PPIB: variants seen among roughly 807,000 people sequenced by gnomAD.
PPIB encodes peptidyl-prolyl cis-trans isomerase B.
A neutral mutation model predicts 20.1 loss-of-function variants in PPIB; 15 were observed. The ratio of observed to expected loss-of-function variants is 0.75; its 90% confidence interval spans 0.50 to 1.15. The LOEUF is 1.15. Ranked by LOEUF, PPIB falls within the 50% of genes most tolerant of loss-of-function variation. The pLI, the probability that PPIB is intolerant of heterozygous loss-of-function variation, is 0.00. For synonymous variants in PPIB, 129 were observed against 111.0 expected (o/e 1.16, Z -1.02); for missense variants, 278 against 283.0 (o/e 0.98, Z 0.13).
rs1311702856 is a variant in PPIB, at chr15:64,156,617, G to A, written c.528+108C>T. ...CAGGAGCACTGGGCTGCATCTGTGG[G>A]TTGGGTCCTTTTGGGAAAGGGATGG... On this transcript the variant is annotated intron_variant, in intron 4 of 4. Transcript: ENST00000300026. The surrounding 1 kb of genome is among the most constrained non-coding windows in gnomAD (Gnocchi z 6.4). 5.2e-6 allele frequency: 7 copies of A among 1,338,324 alleles called. No individual in the cohort carries two copies. In the South Asian group the frequency reaches 7.1e-5, roughly 14 times the overall value. 82.9% of individuals were successfully genotyped at this position (1,338,324 alleles called of 1,614,324 possible). A position where few individuals can be genotyped will look rare whatever the true frequency, so the allele number is the denominator to read the frequency against.
In PPIB at chr15:64,162,954, C is replaced by A. The variant is rs568054483; in HGVS notation, c.33G>T (p.Val11=). 1.9e-6 allele frequency: 3 copies of A among 1,613,566 alleles called. No individual in the cohort carries two copies. The highest frequency in any genetic ancestry group is 3.3e-5 in the Admixed American group (2 of 60,020). ...CCGCGATGAGGGCGGCGGCAAGGAGCACCTTCATGTTGCGTTCGGAGAGGC... is the reference window on the plus strand; with the variant it reads ...CCGCGATGAGGGCGGCGGCAAGGAGAACCTTCATGTTGCGTTCGGAGAGGC... The part of the protein sequence containing the change: MLRLSERNMK[V]LLAAALIAGS... The change falls in exon 1 of 5, where the codon GTG becomes GTT. Residue 11 remains valine (V), a synonymous_variant. Coordinates refer to ENST00000300026, the MANE Select transcript of PPIB (RefSeq NM_000942.5).
chr15:64,159,943 T>A lies in PPIB; in HGVS notation c.343+161A>T, dbSNP rs1365881821. On this transcript the variant is annotated intron_variant, in intron 3 of 4. Transcript: ENST00000300026. This position sits in a 1 kb window ranked among gnomAD's most constrained non-coding sequence, Gnocchi z 5.1. ...TCTCTCTCCTTTGTACTGGGTTCCC[T>A]CTTCAAAGAAGGGTGCCGCTGGTCT... The A allele has an allele frequency of 1.6e-5, 11 of 707,482 alleles. No homozygotes were observed. The African/African-American group carries it at 1.6e-4, about 10-fold the overall frequency. 43.8% of individuals were successfully genotyped at this position (707,482 alleles called of 1,614,324 possible). A position where few individuals can be genotyped will look rare whatever the true frequency, so the allele number is the denominator to read the frequency against.
chr15:64,162,141 A>T lies in PPIB; in HGVS notation c.149T>A (p.Leu50Gln). Residue 50 changes from leucine to glutamine, a missense_variant, in exon 2 of 5, where the codon CTA becomes CAA. Physicochemically the swap from Leu to Gln is moderately radical, Grantham distance 113. Transcript: ENST00000300026. The stretch of plus-strand genomic sequence containing the variant: ...GCCTACATCTTCATCTCCAATTCGT[A>T]GGTCAAAATACACCTGAGGAAAGAG... ...PKVTVKVYFD[L>Q]RIGDEDVGRV... The T allele has an allele frequency of 6.2e-7, 1 of 1,612,876 alleles. No individual in the cohort carries two copies. The highest frequency in any genetic ancestry group is 1.1e-5 in the South Asian group (1 of 91,044).
intron 1 of PPIB, among the ~76,000 whole-genome samples, chr15:64,162,522 T>G (rs1031250750): frequency 2.6e-5 from 4 of 152,212 alleles, no homozygotes; most frequent in Admixed American, 6.5e-5. Flanking sequence ...TGGCTAAAAT[T>G]TGGCTTAAGG....
rs926025776 is a variant in PPIB at position 64,158,937 on chromosome 15, A to G, written c.343+1167T>C. Among the ~76,000 whole-genome samples the G allele has an allele frequency of 6.6e-6, 1 of 152,096 alleles. No homozygotes were observed. The highest frequency in any genetic ancestry group is 2.4e-5 in the African/African-American group (1 of 41,410). ...CACTTCACACTCCAGATCTAGCCCA[A>G]TCCTCATGGCCCCACAACTCTCTCC... On this transcript the variant is annotated intron_variant, in intron 3 of 4. Transcript: ENST00000300026. The surrounding 1 kb of genome is among the most constrained non-coding windows in gnomAD (Gnocchi z 4.7).
In PPIB at chr15:64,156,227, A is replaced by G; in HGVS notation, c.529-82T>C. The G allele has an allele frequency of 6.4e-6, 10 of 1,556,550 alleles. No individual in the cohort carries two copies. Among genetic ancestry groups the G allele is most frequent in the Non-Finnish European group, 8.8e-6 (10 of 1,138,608 alleles). On this transcript the variant is annotated intron_variant, in intron 4 of 4. Transcript: ENST00000300026. This position sits in a 1 kb window ranked among gnomAD's most constrained non-coding sequence, Gnocchi z 6.4. ...GGAGAAAGGCCCCAGCGTATGGCTC[A>G]GGAGGGCTAAGACCCACAAGTGATC...
chr15:64,156,951 C>T lies in PPIB; in HGVS notation c.344-42G>A. On this transcript the variant is annotated intron_variant, in intron 3 of 4. Coordinates refer to ENST00000300026, the MANE Select transcript of PPIB (RefSeq NM_000942.5). The surrounding 1 kb of genome is among the most constrained non-coding windows in gnomAD (Gnocchi z 6.4). The stretch of plus-strand genomic sequence containing the variant: ...AGCAGGTCAGGGGCGCTGGATTGCG[C>T]CAAACCAAGCAGACATTCGGGGCCA... 1.3e-6 allele frequency: 2 copies of T among 1,599,748 alleles called. No homozygotes were observed. The highest frequency in any genetic ancestry group is 1.7e-6 in the Non-Finnish European group (2 of 1,168,258).
chr15:64,162,953 G>A lies in PPIB; in HGVS notation c.34C>T (p.Leu12Phe), dbSNP rs771613998. Residue 12 changes from leucine to phenylalanine, a missense_variant, in exon 1 of 5, where the codon CTC becomes TTC. Physicochemically the swap from Leu to Phe is conservative, Grantham distance 22. Transcript: ENST00000300026. ...CCCGCGATGAGGGCGGCGGCAAGGA[G>A]CACCTTCATGTTGCGTTCGGAGAGG... Reference protein sequence around the residue: ...LRLSERNMKVLLAAALIAGSV... With the variant: ...LRLSERNMKVFLAAALIAGSV... 8 of 1,613,596 alleles carry A rather than the reference G, an allele frequency of 5.0e-6. No individual in the cohort carries two copies. The highest frequency in any genetic ancestry group is 4.2e-6 in the Non-Finnish European group (5 of 1,179,858).
chr15:64,156,325 C>T lies in PPIB; in HGVS notation c.529-180G>A, dbSNP rs150119910. The T allele has an allele frequency of 3.0e-3, 2,491 of 838,930 alleles. 23 individuals are homozygous for T. The highest frequency in any genetic ancestry group is 2.3e-3 in the Non-Finnish European group (1,211 of 520,982). 52.0% of individuals were successfully genotyped at this position (838,930 alleles called of 1,614,324 possible). ...CAGAGCAGGGAGAATGCAGATTTGA[C>T]GAGGGGGTACAGGAATTTTGTTCCT... On this transcript the variant is annotated intron_variant, in intron 4 of 4. Transcript: ENST00000300026. This position sits in a 1 kb window ranked among gnomAD's most constrained non-coding sequence, Gnocchi z 6.4.
At position 64,156,711 on chromosome 15, in the gene PPIB, C is replaced by T. The variant is rs776724565; in HGVS notation, c.528+14G>A. Reference sequence around the variant, plus strand: ...GAGGATTGCCCAGTAGTAGCCCTTGCTTCCACAACTCACCATGCCCTCTAG... The same window carrying T: ...GAGGATTGCCCAGTAGTAGCCCTTGTTTCCACAACTCACCATGCCCTCTAG... On this transcript the variant is annotated intron_variant, in intron 4 of 4. Coordinates refer to ENST00000300026, the MANE Select transcript of PPIB (RefSeq NM_000942.5). The surrounding 1 kb of genome is among the most constrained non-coding windows in gnomAD (Gnocchi z 6.4). 52 of 1,614,030 alleles carry T rather than the reference C, an allele frequency of 3.2e-5. No homozygotes were observed. Among genetic ancestry groups the T allele is most frequent in the Non-Finnish European group, 1.0e-5 (12 of 1,179,998 alleles).
In PPIB at chr15:64,156,960, G is replaced by A. The variant is rs753559721; in HGVS notation, c.344-51C>T. ...GGGGCGCTGGATTGCGCCAAACCAA[G>A]CAGACATTCGGGGCCAGGACTGAGG... On this transcript the variant is annotated intron_variant, in intron 3 of 4. Transcript: ENST00000300026. The surrounding 1 kb of genome is among the most constrained non-coding windows in gnomAD (Gnocchi z 6.4). 5 of 1,587,142 alleles carry A rather than the reference G, an allele frequency of 3.2e-6. No homozygotes were observed. The African/African-American group carries it at 6.7e-5, about 21-fold the overall frequency.
chr15:64,162,147 A>G lies in PPIB; in HGVS notation c.143T>C (p.Phe48Ser). The G allele has an allele frequency of 6.2e-7, 1 of 1,611,574 alleles. No homozygotes were observed. The highest frequency in any genetic ancestry group is 8.5e-7 in the Non-Finnish European group (1 of 1,177,600). The change falls in exon 2 of 5, where the codon TTT becomes TCT. Residue 48 changes from phenylalanine (F) to serine (S), a missense_variant. Coordinates refer to ENST00000300026, the MANE Select transcript of PPIB (RefSeq NM_000942.5). Reference sequence around the variant, plus strand: ...ATCTTCATCTCCAATTCGTAGGTCAAAATACACCTGAGGAAAGAGACCATT... The same window carrying G: ...ATCTTCATCTCCAATTCGTAGGTCAGAATACACCTGAGGAAAGAGACCATT... ...KGPKVTVKVY[F>S]DLRIGDEDVG... is the part of the protein sequence containing the mutation.
At position 64,158,085 on chromosome 15, in the gene PPIB, G is replaced by A. The variant is rs1567346030; in HGVS notation, c.344-1176C>T. Among the ~76,000 whole-genome samples, 1 of 152,156 alleles carries A rather than the reference G, an allele frequency of 6.6e-6. No individual in the cohort carries two copies. Among genetic ancestry groups the A allele is most frequent in the Non-Finnish European group, 1.5e-5 (1 of 68,020 alleles). On this transcript the variant is annotated intron_variant, in intron 3 of 4. Coordinates refer to ENST00000300026, the MANE Select transcript of PPIB (RefSeq NM_000942.5). This position sits in a 1 kb window ranked among gnomAD's most constrained non-coding sequence, Gnocchi z 4.7. ...GCTCCAGCCACTCTCTCAAGATACA[G>A]GGGTTCCAAACTCAAATGGACATTT...
chr15:64,162,812 C>T, intron 1 of PPIB, 40 bp downstream of exon 1: 2 of 1,599,534 alleles, frequency 1.3e-6, no homozygotes, highest in South Asian at 1.1e-5. Flanking sequence ...CCGCCCGGGC[C>T]CGAGCTCCGG....
Position 64,161,703 on chromosome 15 carries a change from C to A in PPIB, c.249+338G>T, listed in dbSNP as rs142887140. ...CCGCACCACTGCACTCCAGCCCAGG[C>A]GACAAGAGTGAAACTCCGTCTCAAA... is the stretch of plus-strand genomic sequence containing the variant. On this transcript the variant is annotated intron_variant, in intron 2 of 4. Coordinates refer to ENST00000300026, the MANE Select transcript of PPIB (RefSeq NM_000942.5). This position sits in a 1 kb window ranked among gnomAD's most constrained non-coding sequence, Gnocchi z 4.2. Among the ~76,000 whole-genome samples the A allele has an allele frequency of 0.014, 2,066 of 150,600 alleles. 11 individuals carry two copies. The highest frequency in any genetic ancestry group is 0.02 in the Non-Finnish European group (1,322 of 67,754).
rs1386090615 is a variant in PPIB, at chr15:64,156,173, G to A, written c.529-28C>T. 5.0e-6 allele frequency: 8 copies of A among 1,613,298 alleles called. No individual in the cohort carries two copies. The Admixed American group carries it at 6.7e-5, about 13-fold the overall frequency. ...GGAAAAGAAAGGTGGAAGCAGGAGG[G>A]CATGGTGGATCAGGAGGTCCACCGC... On this transcript the variant is annotated intron_variant, in intron 4 of 4. Coordinates refer to ENST00000300026, the MANE Select transcript of PPIB (RefSeq NM_000942.5). This position sits in a 1 kb window ranked among gnomAD's most constrained non-coding sequence, Gnocchi z 6.4.
In PPIB at chr15:64,159,688, C is replaced by G. The variant is rs533371648; in HGVS notation, c.343+416G>C. 3.3e-6 allele frequency: 1 copy of G among 302,080 alleles called. No homozygotes were observed. The highest frequency in any genetic ancestry group is 8.6e-5 in the East Asian group (1 of 11,574). The allele number at this position is 302,080 out of a possible 1,614,324, so 18.7% of individuals were successfully genotyped here. A position where few individuals can be genotyped will look rare whatever the true frequency, so the allele number is the denominator to read the frequency against. ...AAGTGCTGGGATCACAGAGTCACCACGCCTGGCCCTCTCACTCTTGCTGGG... is the reference window on the plus strand; with the variant it reads ...AAGTGCTGGGATCACAGAGTCACCAGGCCTGGCCCTCTCACTCTTGCTGGG... On this transcript the variant is annotated intron_variant, in intron 3 of 4. Transcript: ENST00000300026. This position sits in a 1 kb window ranked among gnomAD's most constrained non-coding sequence, Gnocchi z 5.1.
chr15:64,155,843 T>C lies in PPIB; in HGVS notation c.*180A>G. ...ATTAAAAAAAAAAAAACCCACATTT[T>C]TTTTTATTGGTCAGTGTTGGTAGGA... On this transcript the variant is annotated 3_prime_UTR_variant, in exon 5 of 5. Coordinates refer to ENST00000300026, the MANE Select transcript of PPIB (RefSeq NM_000942.5). The C allele has an allele frequency of 1.1e-6, 1 of 881,298 alleles. No individual in the cohort carries two copies. Among genetic ancestry groups the C allele is most frequent in the Non-Finnish European group, 1.7e-6 (1 of 578,784 alleles). 54.6% of individuals were successfully genotyped at this position (881,298 alleles called of 1,614,324 possible).
rs1296864535 is a variant in PPIB at position 64,156,206 on chromosome 15, A to AAAGG, written c.529-65_529-62dup. On this transcript the variant is annotated intron_variant, in intron 4 of 4. Coordinates refer to ENST00000300026, the MANE Select transcript of PPIB (RefSeq NM_000942.5). The surrounding 1 kb of genome is among the most constrained non-coding windows in gnomAD (Gnocchi z 6.4). ...GATCAGGAGGTCCACCGCTCAGGAG[A>AAAGG]AAGGCCCCAGCGTATGGCTCAGGAG... is the stretch of plus-strand genomic sequence containing the variant. 1.2e-6 allele frequency: 2 copies of AAAGG among 1,605,382 alleles called. No homozygotes were observed. Among genetic ancestry groups the AAAGG allele is most frequent in the African/African-American group, 2.7e-5 (2 of 74,750 alleles).
Sources: gnomAD v4.1 joint callset for allele counts (sites outside exome capture counted in the v4.1 genomes callset) on GRCh38, gnomAD v4.1.1 for gene constraint, Gnocchi (gnomAD v3.1) non-coding constraint, MANE v1.5 for transcripts, NCBI Gene and HGNC (gene_info 2026-07-23, HGNC 2026-07-21) for gene names.